Variants in MSL2 observed in about 807,000 individuals in gnomAD.
MSL2 encodes E3 ubiquitin-protein ligase MSL2.
In MSL2, 2 loss-of-function variants were observed where a neutral mutation model predicts 35.8. That is an observed-to-expected ratio of 0.06 (90% CI 0.02 to 0.18). The LOEUF (loss-of-function observed/expected upper bound fraction) is 0.18, where lower values mean the gene tolerates loss of function less well. MSL2 is among the 10% of genes least tolerant of loss of function. The pLI is 1.00. For synonymous variants in MSL2, 296 were observed against 255.7 expected, an observed-to-expected ratio of 1.16 and a Z score of -1.50; for missense variants, 523 against 706.7, an observed-to-expected ratio of 0.74 and a Z score of 2.95.
intron 1 of MSL2, among the ~76,000 whole-genome samples, chr3:136,183,043 A>C (rs1034092990): frequency 1.3e-5 from 2 of 152,204 alleles, no homozygotes; most frequent in African/African-American, 4.8e-5. Flanking sequence ...GTCTCCAAGT[A>C]ACTTAGCCTC....
chr3:136,192,114 G>C (rs113159281), intron 1 of MSL2, among the ~76,000 whole-genome samples: 1 of 152,188 alleles, frequency 6.6e-6, no homozygotes, highest in African/African-American at 2.4e-5. Context: ...TGCACTCAAA[G>C]GAGATATAAG....
intron 1 of MSL2, among the ~76,000 whole-genome samples, chr3:136,164,253 A>G (rs1939781044): frequency 6.6e-6 from 1 of 152,210 alleles, no homozygotes; most frequent in Admixed American, 6.5e-5. Context: ...TATGTTAATC[A>G]AAACCTCCGC....
At chr3:136,193,524 AG>A (rs1940750466) in intron 1 of MSL2, among the ~76,000 whole-genome samples, 2 of 152,094 alleles carry the variant, frequency 1.3e-5, no homozygotes, top group Non-Finnish European at 2.9e-5. Flanking sequence ...TATATGGAGA[AG>A]GAAGTTATGG....
intron 1 of MSL2, among the ~76,000 whole-genome samples, chr3:136,187,808 G>C (rs16843739): frequency 6.6e-6 from 1 of 151,920 alleles, no homozygotes; most frequent in South Asian, 2.1e-4. Flanking sequence ...AATCAAGATA[G>C]GCAGTTAAAA....
intron 1 of MSL2, among the ~76,000 whole-genome samples, chr3:136,159,612 C>T (rs370060578): frequency 4.0e-5 from 6 of 151,548 alleles, no homozygotes; most frequent in African/African-American, 1.5e-4. Context: ...CCTCGTGATC[C>T]GCCCGCCTCG....
intron 1 of MSL2, among the ~76,000 whole-genome samples, chr3:136,178,034 T>C (rs1940232465): frequency 6.6e-6 from 1 of 152,170 alleles, no homozygotes; most frequent in Non-Finnish European, 1.5e-5. Context: ...CAACTACCAT[T>C]AAACAAAGAC....
At chr3:136,162,996 G>A (rs1939753090) in intron 1 of MSL2, among the ~76,000 whole-genome samples, 1 of 151,196 alleles carries the variant, frequency 6.6e-6, no homozygotes, top group Non-Finnish European at 1.5e-5. Context: ...CAGTAGGGAG[G>A]AGGAGGAAAG....
intron 1 of MSL2, among the ~76,000 whole-genome samples, chr3:136,193,583 T>TAA (rs202019369): frequency 2.1e-5 from 3 of 144,692 alleles, no homozygotes; most frequent in African/African-American, 7.6e-5. Flanking sequence ...GTGAGGACAT[T>TAA]AAAAAAAAAA....
intron 1 of MSL2, among the ~76,000 whole-genome samples, chr3:136,156,681 G>A (rs1939535352): frequency 6.6e-6 from 1 of 152,106 alleles, no homozygotes; most frequent in Non-Finnish European, 1.5e-5. Flanking sequence ...TGGCTAACAC[G>A]GTGAAACCCC....
At chr3:136,159,668 C>A (rs1393416054) in intron 1 of MSL2, among the ~76,000 whole-genome samples, 2 of 151,762 alleles carry the variant, frequency 1.3e-5, no homozygotes, top group African/African-American at 2.4e-5. Flanking sequence ...CCACGCCTGG[C>A]CAAGGAGAGT....
At chr3:136,157,807 T>G (rs1338151901) in intron 1 of MSL2, among the ~76,000 whole-genome samples, 1 of 152,208 alleles carries the variant, frequency 6.6e-6, no homozygotes, top group Non-Finnish European at 1.5e-5. Flanking sequence ...AGAAAAAGTT[T>G]TAAAACTGAA....
chr3:136,182,431 A>C (rs1222084252), intron 1 of MSL2, among the ~76,000 whole-genome samples: 2 of 152,228 alleles, frequency 1.3e-5, no homozygotes, highest in Non-Finnish European at 1.5e-5. Context: ...AACAGGCGGC[A>C]CAGGACAGTG....
rs890540688 is a variant in MSL2, at chr3:136,150,516, T to C, written c.*631A>G. 6.5e-6 allele frequency: 1 copy of C among 152,700 alleles called. No homozygotes were observed. The highest frequency in any genetic ancestry group is 1.5e-5 in the Non-Finnish European group (1 of 68,104). The allele number at this position is 152,700 out of a possible 1,614,324, so 9.5% of individuals were successfully genotyped here. A position where few individuals can be genotyped will look rare whatever the true frequency, so the allele number is the denominator to read the frequency against. On this transcript the variant is annotated 3_prime_UTR_variant, in exon 2 of 2. Coordinates refer to ENST00000309993, the MANE Select transcript of MSL2 (RefSeq NM_018133.4). ...CTAGAAATGAGTAACAGCTAAACAT[T>C]TGTAGTCTGACAGAATTTTACTTTT...
intron 1 of MSL2, among the ~76,000 whole-genome samples, chr3:136,162,857 A>AT (rs1939747050): frequency 6.6e-6 from 1 of 151,882 alleles, no homozygotes; most frequent in African/African-American, 2.4e-5. Flanking sequence ...TGCAATCCTC[A>AT]TTTTTCTTAT....
intron 1 of MSL2, among the ~76,000 whole-genome samples, chr3:136,161,878 T>C (rs567759868): frequency 1.3e-5 from 2 of 151,980 alleles, no homozygotes; most frequent in African/African-American, 2.4e-5. Flanking sequence ...CCTTAAAGAG[T>C]GTCCTTAGCT....
At chr3:136,159,403 G>T (rs544976483) in intron 1 of MSL2, among the ~76,000 whole-genome samples, 1 of 115,088 alleles carries the variant, frequency 8.7e-6, no homozygotes, top group Non-Finnish European at 1.6e-5. Context: ...TCGCTCTGTC[G>T]CCCAGGCTGG....
intron 1 of MSL2, among the ~76,000 whole-genome samples, chr3:136,157,494 TCCAA>T (rs1939568254): frequency 6.6e-6 from 1 of 151,728 alleles, no homozygotes; most frequent in South Asian, 2.1e-4. Flanking sequence ...AGAGCCAGAC[TCCAA>T]CTCAAAAAAA....
chr3:136,159,791 AT>A (rs1939649002), intron 1 of MSL2, among the ~76,000 whole-genome samples: 2 of 152,226 alleles, frequency 1.3e-5, no homozygotes, highest in South Asian at 4.1e-4. Context: ...ACAAACCTAA[AT>A]GTAAGAGCTA....
chr3:136,168,903 GATC>G (rs1461954264), intron 1 of MSL2, among the ~76,000 whole-genome samples: 1 of 151,848 alleles, frequency 6.6e-6, no homozygotes, highest in African/African-American at 2.4e-5. Flanking sequence ...TAACTTTACT[GATC>G]ATCTAAGCAT....
Sources: gnomAD v4.1 joint callset for allele counts (sites outside exome capture counted in the v4.1 genomes callset) on GRCh38, gnomAD v4.1.1 for gene constraint, MANE v1.5 for transcripts, NCBI Gene and HGNC (gene_info 2026-07-23, HGNC 2026-07-21) for gene names.